The following MTREX variants were observed in gnomAD, a reference collection of about 807,000 sequenced individuals.
MTREX encodes the protein Mtr4 exosome RNA helicase, also known as exosome RNA helicase MTR4.
A neutral mutation model predicts 135.4 loss-of-function variants in MTREX; 76 were observed. The ratio of observed to expected loss-of-function variants is 0.56; its 90% confidence interval spans 0.47 to 0.68. MTREX has a LOEUF of 0.68. MTREX is among the 30% of genes least tolerant of loss of function. The probability of loss-of-function intolerance (pLI) is 0.00; values close to 1 mark genes in which losing one functional copy is unlikely to be tolerated. For synonymous variants in MTREX, 404 were observed against 401.6 expected, an observed-to-expected ratio of 1.01 and a Z score of -0.07; for missense variants, 920 against 1,262.1, an observed-to-expected ratio of 0.73 and a Z score of 4.11.
At chr5:55,332,673 C>T (rs1421270491) in intron 5 of MTREX, among the ~76,000 whole-genome samples, 2 of 152,154 alleles carry the variant, frequency 1.3e-5, no homozygotes, top group African/African-American at 4.8e-5. Context: ...GGGCCCACCC[C>T]CTTGATAATT....
rs536788420 is a variant in MTREX, at chr5:55,416,035, T to C, written c.2874T>C (p.Tyr958=). 2.1e-5 allele frequency: 34 copies of C among 1,604,262 alleles called. No individual in the cohort carries two copies. The highest frequency in any genetic ancestry group is 6.8e-5 in the East Asian group (3 of 44,262). ...EAKLEIDEET[Y]LSSFKPHLMD... ...AATTGGAAATTGATGAGGAAACTTA[T>C]CTAAGCTCATTTAAACCTCACTTAA... The change falls in exon 25 of 27, where the codon TAT becomes TAC. Residue 958 remains tyrosine (Y), a synonymous_variant. Transcript: ENST00000230640.
chr5:55,330,486 A>G (rs1749458588), intron 5 of MTREX, among the ~76,000 whole-genome samples: 2 of 150,060 alleles, frequency 1.3e-5, no homozygotes, highest in Admixed American at 1.4e-4. Flanking sequence ...TTCTATTTCT[A>G]GTTTATAGAA....
At chr5:55,389,350 G>A (rs931298458) in intron 19 of MTREX, among the ~76,000 whole-genome samples, 1 of 152,170 alleles carries the variant, frequency 6.6e-6, no homozygotes, top group African/African-American at 2.4e-5. Context: ...GTAAGTCATA[G>A]CACTCTTACA....
Position 55,327,704 on chromosome 5 carries a change from CT to C in MTREX, c.340-9del. ...TGGTGAGGTTTTTTTTTCTTTTTTACTTTGTTGTCAGGTTGCACTTCCTGCA... is the reference window on the plus strand; with the variant it reads ...TGGTGAGGTTTTTTTTTCTTTTTTACTTGTTGTCAGGTTGCACTTCCTGCA... On this transcript the variant is annotated splice_polypyrimidine_tract_variant and intron_variant, in intron 3 of 26. Transcript: ENST00000230640. 6.2e-7 allele frequency: 1 copy of C among 1,604,714 alleles called. No homozygotes were observed. The highest frequency in any genetic ancestry group is 1.1e-5 in the South Asian group (1 of 90,214).
intron 22 of MTREX, 30 bp downstream of exon 22, chr5:55,405,618 C>T (rs1579897942): frequency 6.7e-7 from 1 of 1,500,574 alleles, no homozygotes; most frequent in Non-Finnish European, 9.0e-7. Flanking sequence ...CTAGAAAGTT[C>T]ATTTTTTTTT....
rs114692124 is a variant in MTREX at position 55,311,640 on chromosome 5, G to A, written c.134+3493G>A. Among the ~76,000 whole-genome samples, 712 of 152,236 alleles carry A rather than the reference G, an allele frequency of 4.7e-3. 5 individuals are homozygous for A. The highest frequency in any genetic ancestry group is 0.017 in the African/African-American group (686 of 41,534). Reference sequence around the variant, plus strand: ...TAGAGCTGCATTTTGTGACATAATAGCCACTATCCTCACGTAGCTGTTGAG... The same window carrying A: ...TAGAGCTGCATTTTGTGACATAATAACCACTATCCTCACGTAGCTGTTGAG... On this transcript the variant is annotated intron_variant, in intron 1 of 26. Coordinates refer to ENST00000230640, the MANE Select transcript of MTREX (RefSeq NM_015360.5).
intron 25 of MTREX, among the ~76,000 whole-genome samples, chr5:55,420,388 C>T (rs967194430): frequency 6.6e-6 from 1 of 152,112 alleles, no homozygotes; most frequent in South Asian, 2.1e-4. Flanking sequence ...TTAAAATGCT[C>T]TTAAATAAAA....
Position 55,327,750 on chromosome 5 carries a change from T to G in MTREX, c.374T>G (p.Leu125Arg). 1 of 1,613,510 alleles carries G rather than the reference T, an allele frequency of 6.2e-7. No homozygotes were observed. Among genetic ancestry groups the G allele is most frequent in the African/African-American group, 1.3e-5 (1 of 75,040 alleles). ...ALPAEEDYLPLKPRVGKAAKE... is the reference protein window; with the variant it reads ...ALPAEEDYLPRKPRVGKAAKE... ...CCTGCAGAAGAGGATTATTTACCAC[T>G]TAAACCACGAGTTGGAAAAGCTGCT... The change falls in exon 4 of 27, where the codon CTT becomes CGT. Residue 125 changes from leucine (L) to arginine (R), a missense_variant. Leu to Arg is a moderately radical substitution (Grantham distance 102). This residue lies in a region of MTREX where 82 missense variants were observed against 107.4 expected (regional missense o/e 0.76). Transcript: ENST00000230640.
intron 15 of MTREX, among the ~76,000 whole-genome samples, chr5:55,365,380 G>A (rs778011945): frequency 2.0e-5 from 3 of 152,144 alleles, no homozygotes; most frequent in Non-Finnish European, 2.9e-5. Context: ...CCTAAAGTAC[G>A]TGGCTCTTGA....
intron 2 of MTREX, 65 bp from the exon 3 acceptor site, chr5:55,324,067 A>G: frequency 8.7e-7 from 1 of 1,150,528 alleles, no homozygotes. Context: ...GTGCAATGTG[A>G]GGCTTATTAT....
intron 2 of MTREX, among the ~76,000 whole-genome samples, chr5:55,323,051 C>T (rs992597787): frequency 6.6e-6 from 1 of 152,096 alleles, no homozygotes; most frequent in Non-Finnish European, 1.5e-5. Context: ...CATATTTGAA[C>T]TTGGCACTAC....
chr5:55,392,722 T>C (rs919444867), intron 19 of MTREX, among the ~76,000 whole-genome samples: 14 of 152,262 alleles, frequency 9.2e-5, no homozygotes, highest in Non-Finnish European at 1.6e-4. Context: ...CTTTCTTGAC[T>C]ATGCACACAG....
intron 16 of MTREX, among the ~76,000 whole-genome samples, chr5:55,376,934 G>A (rs190465851): frequency 6.6e-6 from 1 of 152,174 alleles, no homozygotes; most frequent in East Asian, 1.9e-4. Context: ...AGCTGGGCAT[G>A]GTGTGGCACG....
intron 18 of MTREX, 114 bp from the exon 19 acceptor site, chr5:55,387,860 T>A (rs1029792033): frequency 2.1e-6 from 2 of 958,352 alleles, no homozygotes; most frequent in Admixed American, 2.7e-5. Context: ...TATTACACAG[T>A]TTGTGTCAGT....
intron 5 of MTREX, among the ~76,000 whole-genome samples, chr5:55,339,253 G>A (rs1749604467): frequency 6.6e-6 from 1 of 152,018 alleles, no homozygotes; most frequent in Non-Finnish European, 1.5e-5. Context: ...GATAATGTAT[G>A]TAGCATTTCT....
chr5:55,344,279 C>T (rs1485349989), intron 8 of MTREX, among the ~76,000 whole-genome samples: 1 of 152,116 alleles, frequency 6.6e-6, no homozygotes, highest in Non-Finnish European at 1.5e-5. Context: ...GTAGTTGATG[C>T]TCAGGTCATG....
intron 1 of MTREX, among the ~76,000 whole-genome samples, chr5:55,320,409 G>A (rs1749269642): frequency 6.6e-6 from 1 of 151,930 alleles, no homozygotes; most frequent in African/African-American, 2.4e-5. Context: ...AGAGACGACG[G>A]GGTTTCACCG....
chr5:55,355,127 C>A (rs1022532977), intron 14 of MTREX, among the ~76,000 whole-genome samples: 1 of 152,146 alleles, frequency 6.6e-6, no homozygotes, highest in Non-Finnish European at 1.5e-5. Flanking sequence ...CTGGGACCCT[C>A]CCTCACAAAG....
At chr5:55,342,078 A>G (rs1398050288) in intron 7 of MTREX, among the ~76,000 whole-genome samples, 1 of 151,884 alleles carries the variant, frequency 6.6e-6, no homozygotes, top group East Asian at 1.9e-4. Flanking sequence ...GCTAATTTTT[A>G]TTTATTTTAT....
Sources: allele counts gnomAD v4.1 joint callset (sites outside exome capture counted in the v4.1 genomes callset), GRCh38; gene constraint gnomAD v4.1.1; regional missense constraint gnomAD v4.1.1; transcripts MANE v1.5; gene names NCBI Gene and HGNC (gene_info 2026-07-23, HGNC 2026-07-21).